The following MASP1 variants were observed in gnomAD, a reference collection of about 807,000 sequenced individuals.
MASP1 encodes the protein MBL associated serine protease 1.
In MASP1, 59 loss-of-function variants were observed where a neutral mutation model predicts 77.1. That is an observed-to-expected ratio of 0.77 (90% CI 0.62 to 0.95). The LOEUF (loss-of-function observed/expected upper bound fraction) is 0.95. MASP1 is among the 40% of genes least tolerant of loss of function. The pLI, the probability that MASP1 is intolerant of heterozygous loss-of-function variation, is 0.00. For synonymous variants in MASP1, 362 were observed against 354.5 expected (o/e 1.02, Z -0.24); for missense variants, 885 against 912.9 (o/e 0.97, Z 0.39).
At chr3:187,258,537 C>T (rs1715292700) in intron 4 of MASP1, among the ~76,000 whole-genome samples, 2 of 152,194 alleles carry the variant, frequency 1.3e-5, no homozygotes, top group African/African-American at 4.8e-5. Context: ...GCATAAAGCT[C>T]CTATCTCAAC....
chr3:187,277,593 C>T (rs537462991), intron 2 of MASP1, among the ~76,000 whole-genome samples: 1 of 152,204 alleles, frequency 6.6e-6, no homozygotes, highest in Non-Finnish European at 1.5e-5. Flanking sequence ...CACAACAGGA[C>T]CCCTTCCACA....
chr3:187,242,056 C>T lies in MASP1; in HGVS notation c.1229-501G>A, dbSNP rs544289063. ...GGTCCTGGAAGGCACCTCCGCCTCA[C>T]TTGTCACAAAGACCTGGGCTCACAT... On this transcript the variant is annotated intron_variant, in intron 9 of 10. Coordinates refer to ENST00000296280, the MANE Select transcript of MASP1 (RefSeq NM_139125.4). 3.0e-3 allele frequency: 520 copies of T among 172,548 alleles called. 1 individual carries two copies. The highest frequency in any genetic ancestry group is 5.1e-3 in the Non-Finnish European group (409 of 80,190). 10.7% of individuals were successfully genotyped at this position (172,548 alleles called of 1,614,324 possible). A position where few individuals can be genotyped will look rare whatever the true frequency, so the allele number is the denominator to read the frequency against.
chr3:187,236,531 A>C lies in MASP1; in HGVS notation c.1340T>G (p.Val447Gly). 6.2e-7 allele frequency: 1 copy of C among 1,613,950 alleles called. No homozygotes were observed. The highest frequency in any genetic ancestry group is 8.5e-7 in the Non-Finnish European group (1 of 1,179,944). Residue 447 changes from valine (V) to glycine (G), a missense_variant, in exon 11 of 11, where the codon GTC becomes GGC. Coordinates refer to ENST00000296280, the MANE Select transcript of MASP1 (RefSeq NM_139125.4). ...GQPSRSLPSL[V>G]KRIIGGRNAE... ...ATTTCGGCCCCCAATGATCCTCTTG[A>C]CCAGGCTTGGCAGGGAGCGGGAGGG... is the stretch of plus-strand genomic sequence containing the variant.
At chr3:187,268,549 TAGAAAAGAAA>T (rs10663602) in intron 2 of MASP1, among the ~76,000 whole-genome samples, 5 of 137,348 alleles carry the variant, frequency 3.6e-5, no homozygotes, top group African/African-American at 1.2e-4. Context: ...GAAAAGAAAA[TAGAAAAGAAA>T]AGAAAAGAAA....
chr3:187,285,032 A>C (rs758500806), intron 2 of MASP1, among the ~76,000 whole-genome samples: 1 of 152,210 alleles, frequency 6.6e-6, no homozygotes, highest in Admixed American at 6.5e-5. Flanking sequence ...AGAGCTTAGA[A>C]GGTAGGTTCT....
chr3:187,285,875 T>A lies in MASP1; in HGVS notation c.187A>T (p.Met63Leu). 1 of 1,614,172 alleles carries A rather than the reference T, an allele frequency of 6.2e-7. No homozygotes were observed. Among genetic ancestry groups the A allele is most frequent in the Non-Finnish European group, 8.5e-7 (1 of 1,180,024 alleles). ...PDGFRIKLYF[M>L]HFNLESSYLC... ...TAGGAGGATTCCAAGTTGAAGTGCA[T>A]GAAGTAAAGCTTGATCCGAAACCCA... The change falls in exon 2 of 11, where the codon ATG becomes TTG. Residue 63 changes from methionine (M) to leucine (L), a missense_variant. Transcript: ENST00000296280.
Position 187,243,489 on chromosome 3 carries a change from T to C in MASP1, c.1223A>G (p.Asn408Ser). ...GCTTAGCATGGATGGCTTACCTGTG[T>C]TATTGTTGAGCATCTTGTAATAGGG... ...QEPYYKMLNN[N>S]TGIYTCSAQG... Residue 408 changes from asparagine to serine, a missense_variant, in exon 9 of 11, where the codon AAC (asparagine) becomes AGC (serine). Coordinates refer to ENST00000296280, the MANE Select transcript of MASP1 (RefSeq NM_139125.4). The C allele has an allele frequency of 6.2e-7, 1 of 1,614,076 alleles. No homozygotes were observed. The highest frequency in any genetic ancestry group is 1.1e-5 in the South Asian group (1 of 91,072).
exon 13 of MASP1, chr3:187,225,391 C>T: frequency 6.2e-7 from 1 of 1,614,148 alleles, no homozygotes; most frequent in Non-Finnish European, 8.5e-7. Flanking sequence ...GGCTCTCCAA[C>T]AGCTCCACCA....
At chr3:187,276,758 C>A (rs914528570) in intron 2 of MASP1, 2 of 152,142 alleles carry the variant, frequency 1.3e-5, no homozygotes, top group African/African-American at 4.8e-5. Flanking sequence ...GTGTTTGGGT[C>A]CTGGTGTCTC....
At chr3:187,278,949 G>A (rs1446945238) in intron 2 of MASP1, among the ~76,000 whole-genome samples, 3 of 152,012 alleles carry the variant, frequency 2.0e-5, no homozygotes, top group Admixed American at 6.6e-5. Context: ...GCATACCCTC[G>A]ACTGTGTCAC....
chr3:187,237,054 C>T (rs528562776), intron 10 of MASP1, among the ~76,000 whole-genome samples: 10 of 152,316 alleles, frequency 6.6e-5, no homozygotes, highest in African/African-American at 1.9e-4. Context: ...TCACAGCAAA[C>T]GCTAGACTGG....
chr3:187,220,792 C>A (rs1399737499), intron 15 of MASP1, among the ~76,000 whole-genome samples: 3 of 152,234 alleles, frequency 2.0e-5, no homozygotes, highest in African/African-American at 7.2e-5. Flanking sequence ...ACCACCGTGC[C>A]CGGCCAAGGC....
intron 5 of MASP1, among the ~76,000 whole-genome samples, chr3:187,255,190 A>G (rs1405756649): frequency 1.3e-5 from 2 of 152,230 alleles, no homozygotes; most frequent in African/African-American, 2.4e-5. Context: ...TCCTGCTGGT[A>G]GCAGCAGCAG....
chr3:187,217,330 C>T lies in MASP1; in HGVS notation c.*2741G>A, dbSNP rs142307504. 72 of 152,274 alleles carry T rather than the reference C, an allele frequency of 4.7e-4. 1 individual carries two copies. The highest frequency in any genetic ancestry group is 1.6e-3 in the African/African-American group (67 of 41,562). 9.4% of individuals were successfully genotyped at this position (152,274 alleles called of 1,614,324 possible). On this transcript the variant is annotated 3_prime_UTR_variant, in exon 16 of 16. Coordinates refer to the MASP1 transcript ENST00000337774. ...TAGAACTAATGTTTGTTTTTTCATA[C>T]GAGCAACAGCTTCTGTTGTTAATAA...
intron 15 of MASP1, among the ~76,000 whole-genome samples, chr3:187,220,758 A>G (rs1579453386): frequency 2.0e-5 from 3 of 152,194 alleles, no homozygotes; most frequent in South Asian, 4.1e-4. Context: ...TCGGCCTCCC[A>G]AAGTGCTGGG....
At chr3:187,217,650 C>T (rs994811710) in exon 16 of MASP1, 17 of 152,184 alleles carry the variant, frequency 1.1e-4, no homozygotes, top group African/African-American at 3.9e-4. Context: ...TTGTTGTCCT[C>T]ACAGATACTC....
At chr3:187,243,446 T>C in intron 9 of MASP1, 38 bp downstream of exon 9, 1 of 1,613,332 alleles carries the variant, frequency 6.2e-7, no homozygotes, top group Non-Finnish European at 8.5e-7. Flanking sequence ...CCCGAGAGTG[T>C]GAAACGGGAG....
intron 2 of MASP1, among the ~76,000 whole-genome samples, chr3:187,266,416 G>A (rs553762155): frequency 1.3e-5 from 2 of 152,312 alleles, no homozygotes; most frequent in African/African-American, 4.8e-5. Context: ...GGTATTCTCA[G>A]GGTATCGTAA....
chr3:187,252,985 C>T (rs1046816604), intron 6 of MASP1, among the ~76,000 whole-genome samples, 183 bp downstream of exon 6: 1 of 152,160 alleles, frequency 6.6e-6, no homozygotes. Flanking sequence ...GTTGCCCTTG[C>T]CCCCATTTTA....
Sources: allele counts gnomAD v4.1 joint callset (sites outside exome capture counted in the v4.1 genomes callset), GRCh38; gene constraint gnomAD v4.1.1; transcripts MANE v1.5; gene names NCBI Gene and HGNC (gene_info 2026-07-23, HGNC 2026-07-21).